The following KCNT1 variants were observed in gnomAD, a reference collection of about 807,000 sequenced individuals.
KCNT1 encodes the protein potassium sodium-activated channel subfamily T member 1.
A neutral mutation model predicts 147.8 loss-of-function variants in KCNT1; 78 were observed. That is an observed-to-expected ratio of 0.53 (90% confidence interval 0.44 to 0.64). The LOEUF (loss-of-function observed/expected upper bound fraction) is 0.64, where lower values mean the gene tolerates loss of function less well. Among genes scored for constraint, KCNT1 ranks in the 30% least tolerant of loss-of-function variants. KCNT1 has a pLI of 0.00. For synonymous variants in KCNT1, 867 were observed against 748.8 expected (o/e 1.16, Z -2.58); for missense variants, 1,419 against 1,750.3 (o/e 0.81, Z 3.38).
chr9:135,733,959 C>G (rs546629602), intron 2 of KCNT1, among the ~76,000 whole-genome samples: 3 of 151,156 alleles, frequency 2.0e-5, no homozygotes, highest in Non-Finnish European at 4.4e-5. Flanking sequence ...GTCCCTCCCC[C>G]CTAGTCCTTC....
intron 28 of KCNT1, chr9:135,785,823 A>AGG: frequency 4.7e-6 from 2 of 422,478 alleles, no homozygotes; most frequent in Non-Finnish European, 8.6e-6. Context: ...TGACACGCAG[A>AGG]GGGGGTGACC....
chr9:135,776,289 A>T (rs922470799), intron 20 of KCNT1, among the ~76,000 whole-genome samples: 1 of 151,102 alleles, frequency 6.6e-6, no homozygotes, highest in African/African-American at 2.4e-5. Flanking sequence ...ACGGGGTCCC[A>T]CTCTGTCATC....
chr9:135,786,626 CCTGTCTGTCAT>C lies in KCNT1; in HGVS notation c.3502+115_3502+125del, dbSNP rs944247405. 8.2e-5 allele frequency: 88 copies of C among 1,078,080 alleles called. No individual in the cohort carries two copies. The Admixed American group carries it at 1.4e-3, about 17-fold the overall frequency. The allele number at this position is 1,078,080 out of a possible 1,614,324, so 66.8% of individuals were successfully genotyped here. ...GGCGTCCCGGGGCCCGGGCCGTCCT[CCTGTCTGTCAT>C]CTGTCTGTCTGTCAGCCTTTCTGGC... On this transcript the variant is annotated intron_variant, in intron 29 of 30. Coordinates refer to ENST00000371757, the MANE Select transcript of KCNT1 (RefSeq NM_020822.3).
At chr9:135,738,900 C>CAA (rs1244325463) in intron 2 of KCNT1, among the ~76,000 whole-genome samples, 2 of 152,248 alleles carry the variant, frequency 1.3e-5, no homozygotes, top group East Asian at 3.9e-4. Context: ...GTGGTGGGGT[C>CAA]AGGAGACCAT....
chr9:135,703,931 C>G (rs539924056), intron 1 of KCNT1, among the ~76,000 whole-genome samples: 25 of 152,356 alleles, frequency 1.6e-4, no homozygotes, highest in Admixed American at 1.4e-3. Flanking sequence ...AACAGAGATT[C>G]CCTGTCACAC....
At position 135,732,022 on chromosome 9, in the gene KCNT1, A is replaced by AGAGAGAGAGAGAGAGAGAGAGAGG. The variant is rs1564328271; in HGVS notation, c.254+17321_254+17322insAGAGGGAGAGAGAGAGAGAGAGAG. 3.9e-5 allele frequency among the ~76,000 whole-genome samples: 5 copies of AGAGAGAGAGAGAGAGAGAGAGAGG among 129,406 alleles called. 1 individual carries two copies. The highest frequency in any genetic ancestry group is 1.5e-4 in the Admixed American group (2 of 12,968). The allele number at this position is 129,406 out of a possible 152,430, so 84.9% of individuals were successfully genotyped here. A position where few individuals can be genotyped will look rare whatever the true frequency, so the allele number is the denominator to read the frequency against. ...GAGAGAGAGAGAGAGAGAGAGAGAG[A>AGAGAGAGAGAGAGAGAGAGAGAGG]GAGAGAGAGAGAGAGAGAGGGAGTC... is the stretch of plus-strand genomic sequence containing the variant. On this transcript the variant is annotated intron_variant, in intron 2 of 30. Coordinates refer to ENST00000371757, the MANE Select transcript of KCNT1 (RefSeq NM_020822.3).
chr9:135,743,476 G>A (rs961605197), intron 2 of KCNT1, among the ~76,000 whole-genome samples: 2 of 152,114 alleles, frequency 1.3e-5, no homozygotes, highest in Admixed American at 6.5e-5. Flanking sequence ...GGGGCTGCCC[G>A]GCACCCATGG....
intron 2 of KCNT1, among the ~76,000 whole-genome samples, chr9:135,727,697 A>G (rs34944212): frequency 0.45 from 68,159 of 152,104 alleles, 15,345 homozygotes; most frequent in Middle Eastern, 0.54. Flanking sequence ...CCCGGCCCCC[A>G]GCCCCTGGGT....
intron 2 of KCNT1, among the ~76,000 whole-genome samples, chr9:135,735,702 G>A (rs1296868333): frequency 3.3e-5 from 5 of 152,128 alleles, no homozygotes; most frequent in African/African-American, 7.2e-5. Context: ...TTGGTTGGGG[G>A]AAGAAATAGA....
chr9:135,770,468 C>T (rs374456062), intron 17 of KCNT1, 21 bp downstream of exon 17: 37 of 1,597,746 alleles, frequency 2.3e-5, no homozygotes, highest in Non-Finnish European at 3.1e-5. Context: ...GCTGCATCCA[C>T]AGGGCTGGCG....
intron 2 of KCNT1, among the ~76,000 whole-genome samples, chr9:135,720,680 C>G (rs1219831050): frequency 6.6e-6 from 1 of 152,222 alleles, no homozygotes; most frequent in Non-Finnish European, 1.5e-5. Context: ...CCCACCTGCT[C>G]TCTGAAGGCC....
chr9:135,785,355 C>T, intron 28 of KCNT1, 25 bp downstream of exon 28: 1 of 1,612,844 alleles, frequency 6.2e-7, no homozygotes, highest in Non-Finnish European at 8.5e-7. Flanking sequence ...CGTGCCCACG[C>T]AGCTTCTGCG....
intron 23 of KCNT1, 58 bp from the exon 24 acceptor site, chr9:135,779,301 A>C (rs2131552524): frequency 4.9e-6 from 3 of 608,176 alleles, no homozygotes; most frequent in Non-Finnish European, 4.8e-6. Flanking sequence ...ATGGGCCCCC[A>C]CCCTGAGACC....
intron 4 of KCNT1, among the ~76,000 whole-genome samples, chr9:135,753,418 G>A (rs1832814210): frequency 6.6e-6 from 1 of 152,172 alleles, no homozygotes; most frequent in African/African-American, 2.4e-5. Flanking sequence ...TGGCTTGGGG[G>A]CCGCTTGTCC....
intron 23 of KCNT1, among the ~76,000 whole-genome samples, chr9:135,779,152 A>T (rs1833412858): frequency 7.5e-6 from 1 of 133,494 alleles, no homozygotes; most frequent in Non-Finnish European, 1.6e-5. Flanking sequence ...CACAGCCATG[A>T]CCATGGGCCT....
At chr9:135,773,630 A>G (rs1832910535) in intron 19 of KCNT1, among the ~76,000 whole-genome samples, 1 of 152,268 alleles carries the variant, frequency 6.6e-6, no homozygotes. Flanking sequence ...TTTTGGCCTC[A>G]GCCAGGACAG....
At chr9:135,756,740 T>G in intron 6 of KCNT1, 133 bp from the exon 7 acceptor site, 1 of 780,676 alleles carries the variant, frequency 1.3e-6, no homozygotes, top group East Asian at 2.5e-5. Flanking sequence ...TGTCCTGACA[T>G]GGGAGTGAGG....
chr9:135,730,881 G>A lies in KCNT1; in HGVS notation c.254+16161G>A, dbSNP rs1375587865. The stretch of plus-strand genomic sequence containing the variant: ...CATGCCTGTAGTCCCAGCTACTTGG[G>A]AAGCTGAGGCAGGAGGATCACTTGA... On this transcript the variant is annotated intron_variant, in intron 2 of 30. Coordinates refer to ENST00000371757, the MANE Select transcript of KCNT1 (RefSeq NM_020822.3). The surrounding 1 kb of genome is among the most constrained non-coding windows in gnomAD (Gnocchi z 4.7). Among the ~76,000 whole-genome samples, 1 of 151,514 alleles carries A rather than the reference G, an allele frequency of 6.6e-6. No homozygotes were observed. The highest frequency in any genetic ancestry group is 1.9e-4 in the East Asian group (1 of 5,154).
At chr9:135,734,149 G>T (rs190347483) in intron 2 of KCNT1, among the ~76,000 whole-genome samples, 2 of 152,320 alleles carry the variant, frequency 1.3e-5, no homozygotes, top group Non-Finnish European at 2.9e-5. Flanking sequence ...AAGGGCAGTT[G>T]TTATTTTTTC....
Sources: allele counts gnomAD v4.1 joint callset (sites outside exome capture counted in the v4.1 genomes callset), GRCh38; gene constraint gnomAD v4.1.1; non-coding constraint Gnocchi (gnomAD v3.1); transcripts MANE v1.5; gene names NCBI Gene and HGNC (gene_info 2026-07-23, HGNC 2026-07-21).